The following ANO3 variants were observed in gnomAD, a reference collection of about 807,000 sequenced individuals.
ANO3 encodes the protein anoctamin-3.
ANO3 carries 99 observed loss-of-function variants against 144.8 expected under a neutral mutation model. The observed-to-expected ratio is 0.68, with a 90% confidence interval of 0.58 to 0.81. ANO3 has a LOEUF of 0.81. ANO3 is among the 30% of genes least tolerant of loss of function. The probability of loss-of-function intolerance (pLI) is 0.00; values close to 1 mark genes in which losing one functional copy is unlikely to be tolerated. For missense variants in ANO3, 905 were observed against 1,202.2 expected (o/e 0.75, Z 3.66); for synonymous variants, 414 against 392.6 (o/e 1.05, Z -0.64).
chr11:26,439,541 G>C (rs1858436613), intron 1 of ANO3, among the ~76,000 whole-genome samples: 1 of 152,194 alleles, frequency 6.6e-6, no homozygotes, highest in Admixed American at 6.5e-5. Context: ...AAGCCACATA[G>C]AGTGATGTTT....
intron 4 of ANO3, among the ~76,000 whole-genome samples, chr11:26,505,640 A>G (rs968946811): frequency 2.6e-5 from 4 of 152,154 alleles, no homozygotes; most frequent in Non-Finnish European, 4.4e-5. Context: ...AGTTGTACCA[A>G]GTAGGTGAGA....
chr11:26,194,488 A>AT (rs1564912016), intron 1 of ANO3, among the ~76,000 whole-genome samples: 2 of 23,454 alleles, frequency 8.5e-5, no homozygotes, highest in East Asian at 7.9e-4. Context: ...GTGTGTGTGT[A>AT]TTATTTATTT....
intron 1 of ANO3, among the ~76,000 whole-genome samples, chr11:26,295,402 A>T (rs970794189): frequency 4.6e-5 from 7 of 150,786 alleles, no homozygotes; most frequent in African/African-American, 1.5e-4. Flanking sequence ...GCGGGCGCCT[A>T]TAGTCCCAGC....
chr11:26,190,780 A>G (rs1055506806), intron 1 of ANO3, among the ~76,000 whole-genome samples: 1 of 152,188 alleles, frequency 6.6e-6, no homozygotes, highest in African/African-American at 2.4e-5. Flanking sequence ...CCAGAGATGC[A>G]TACTATGAAC....
chr11:26,528,120 T>C lies in ANO3; in HGVS notation c.737+2441T>C, dbSNP rs530226413. Reference sequence around the variant, plus strand: ...TAAAGGTTTAGTAGAGTGTAGATAATGTATTAGATTACACTGGTGGCATGG... The same window carrying C: ...TAAAGGTTTAGTAGAGTGTAGATAACGTATTAGATTACACTGGTGGCATGG... On this transcript the variant is annotated intron_variant, in intron 7 of 26. Coordinates refer to ENST00000256737, the MANE Select transcript of ANO3 (RefSeq NM_031418.4). 1.0e-3 allele frequency among the ~76,000 whole-genome samples: 156 copies of C among 152,314 alleles called. 2 individuals carry two copies. The South Asian group carries it at 0.032, about 31-fold the overall frequency.
intron 1 of ANO3, among the ~76,000 whole-genome samples, chr11:26,432,425 T>G (rs952947576): frequency 2.0e-4 from 31 of 152,196 alleles, no homozygotes; most frequent in Admixed American, 1.4e-3. Context: ...ATTTTCCAAT[T>G]TTTTGCTTTT....
At chr11:26,503,102 G>A (rs1213261022) in intron 4 of ANO3, among the ~76,000 whole-genome samples, 1 of 152,090 alleles carries the variant, frequency 6.6e-6, no homozygotes, top group African/African-American at 2.4e-5. Flanking sequence ...ACACATTAAT[G>A]ATTTAGTTAT....
At chr11:26,250,549 G>A (rs1053906898) in intron 1 of ANO3, among the ~76,000 whole-genome samples, 2 of 152,090 alleles carry the variant, frequency 1.3e-5, no homozygotes, top group Non-Finnish European at 2.9e-5. Flanking sequence ...ATTTCTGTTG[G>A]ATTCATCACT....
chr11:26,652,572 C>T (rs1216502687), intron 24 of ANO3, among the ~76,000 whole-genome samples: 1 of 152,052 alleles, frequency 6.6e-6, no homozygotes, highest in African/African-American at 2.4e-5. Flanking sequence ...ACCCCTTTTT[C>T]TCATACATTA....
chr11:26,250,401 A>G (rs1303294200), intron 1 of ANO3, among the ~76,000 whole-genome samples: 7 of 152,236 alleles, frequency 4.6e-5, no homozygotes, highest in Non-Finnish European at 1.0e-4. Flanking sequence ...GGACCACAAC[A>G]GTCTCTGGCA....
At chr11:26,222,438 G>A (rs552658602) in intron 1 of ANO3, among the ~76,000 whole-genome samples, 2 of 152,286 alleles carry the variant, frequency 1.3e-5, no homozygotes, top group East Asian at 3.9e-4. Flanking sequence ...GTTGCCAGTT[G>A]ATCTACCATT....
intron 4 of ANO3, among the ~76,000 whole-genome samples, chr11:26,468,566 A>T (rs1859679122): frequency 6.6e-6 from 1 of 152,012 alleles, no homozygotes; most frequent in Non-Finnish European, 1.5e-5. Context: ...GACACTGGTC[A>T]TATGATGGAG....
chr11:26,651,761 A>G (rs541029002), intron 24 of ANO3, among the ~76,000 whole-genome samples: 107 of 152,316 alleles, frequency 7.0e-4, no homozygotes, highest in Non-Finnish European at 1.4e-3. Flanking sequence ...TTCTAAATGC[A>G]AAGGGGTTCT....
chr11:26,528,182 A>G (rs1326622605), intron 7 of ANO3, among the ~76,000 whole-genome samples: 1 of 152,212 alleles, frequency 6.6e-6, no homozygotes, highest in Non-Finnish European at 1.5e-5. Context: ...ATATATCATT[A>G]TAAACACGTA....
intron 1 of ANO3, among the ~76,000 whole-genome samples, chr11:26,419,140 C>A (rs1857680205): frequency 6.6e-6 from 1 of 152,056 alleles, no homozygotes; most frequent in African/African-American, 2.4e-5. Context: ...GCCAGCACTT[C>A]CCATGGCCAG....
chr11:26,273,058 G>A (rs1590227465), intron 1 of ANO3, among the ~76,000 whole-genome samples: 1 of 152,032 alleles, frequency 6.6e-6, no homozygotes, highest in Non-Finnish European at 1.5e-5. Flanking sequence ...TAAATATAAA[G>A]CTGCTAACTC....
intron 4 of ANO3, among the ~76,000 whole-genome samples, chr11:26,503,724 TC>T (rs1200659285): frequency 1.3e-5 from 2 of 152,130 alleles, no homozygotes; most frequent in Non-Finnish European, 2.9e-5. Flanking sequence ...ATAGGTTACT[TC>T]TTTTTATAAA....
intron 1 of ANO3, among the ~76,000 whole-genome samples, chr11:26,199,306 A>G (rs1486182524): frequency 6.6e-6 from 1 of 152,090 alleles, no homozygotes; most frequent in African/African-American, 2.4e-5. Flanking sequence ...CTAAGGCAAC[A>G]TTTTACTTTT....
chr11:26,400,894 C>G (rs918471086), intron 1 of ANO3, among the ~76,000 whole-genome samples: 4 of 151,176 alleles, frequency 2.6e-5, no homozygotes, highest in Non-Finnish European at 5.9e-5. Context: ...ATATAAATTT[C>G]AATAATGCAC....
Sources: gnomAD v4.1 joint callset for allele counts (sites outside exome capture counted in the v4.1 genomes callset) on GRCh38, gnomAD v4.1.1 for gene constraint, MANE v1.5 for transcripts, NCBI Gene and HGNC (gene_info 2026-07-23, HGNC 2026-07-21) for gene names.